Variants in NPAS3 observed in about 807,000 individuals in gnomAD.
NPAS3 encodes the protein neuronal PAS domain protein 3.
Under a neutral mutation model 73.1 loss-of-function variants are expected in NPAS3, and 14 were observed. That is an observed-to-expected ratio of 0.19 (90% confidence interval 0.13 to 0.30). The LOEUF (loss-of-function observed/expected upper bound fraction) is 0.30, where lower values mean the gene tolerates loss of function less well. Among genes scored for constraint, NPAS3 ranks in the 10% least tolerant of loss-of-function variants. The pLI is 1.00. For synonymous variants in NPAS3, 620 were observed against 541.5 expected (o/e 1.14, Z -2.01); for missense variants, 1,096 against 1,250.0 (o/e 0.88, Z 1.86).
At chr14:33,020,669 G>A (rs578254995) in intron 1 of NPAS3, among the ~76,000 whole-genome samples, 76 of 152,002 alleles carry the variant, frequency 5.0e-4, no homozygotes, top group African/African-American at 1.3e-3. Context: ...TTCCCAGCTC[G>A]CCTGCTTCTG....
intron 5 of NPAS3, among the ~76,000 whole-genome samples, chr14:33,641,689 A>G (rs1460173436): frequency 6.6e-6 from 1 of 151,814 alleles, no homozygotes; most frequent in Admixed American, 6.6e-5. Context: ...AACCCAGCAT[A>G]GTGATGCTCC....
At chr14:33,196,005 C>G (rs2046337933) in intron 2 of NPAS3, among the ~76,000 whole-genome samples, 1 of 152,154 alleles carries the variant, frequency 6.6e-6, no homozygotes, top group South Asian at 2.1e-4. Context: ...GGAAAGATGT[C>G]CTAGAGAAAA....
intron 6 of NPAS3, chr14:33,680,554 T>G (rs1322504047): frequency 2.9e-6 from 2 of 701,180 alleles, no homozygotes; most frequent in African/African-American, 3.5e-5. Context: ...GGTAACTAGC[T>G]TTTTCATTTT....
intron 6 of NPAS3, among the ~76,000 whole-genome samples, chr14:33,734,704 G>T (rs1469396374): frequency 1.3e-5 from 2 of 152,160 alleles, no homozygotes; most frequent in Admixed American, 1.3e-4. Context: ...CAGCTCCGAG[G>T]GGTGAGGACA....
chr14:33,602,334 T>C (rs529815215), intron 5 of NPAS3, among the ~76,000 whole-genome samples: 73 of 152,294 alleles, frequency 4.8e-4, no homozygotes, highest in African/African-American at 1.7e-3. Context: ...CCATTAAGAC[T>C]CGCAGGGCAT....
rs567511235 is a variant in NPAS3, at chr14:33,136,063, T to C, written c.141-79119T>C. ...GTGCAATAACTACCTTTTTTCTTTTTTTTTTTTTTTTTTTTGAGACAGAGT... is the reference window on the plus strand; with the variant it reads ...GTGCAATAACTACCTTTTTTCTTTTCTTTTTTTTTTTTTTTGAGACAGAGT... On this transcript the variant is annotated intron_variant, in intron 2 of 11. Transcript: ENST00000356141. Among the ~76,000 whole-genome samples the C allele has an allele frequency of 3.4e-3, 474 of 137,758 alleles. 2 individuals carry two copies. Among genetic ancestry groups the C allele is most frequent in the African/African-American group, 0.012 (370 of 31,130 alleles). The allele number at this position is 137,758 out of a possible 152,430, so 90.4% of individuals were successfully genotyped here.
At chr14:33,101,743 GC>G (rs1323269045) in intron 2 of NPAS3, among the ~76,000 whole-genome samples, 3 of 151,976 alleles carry the variant, frequency 2.0e-5, no homozygotes, top group Non-Finnish European at 2.9e-5. Flanking sequence ...TTATGTTAAT[GC>G]CCCCAGATCT....
chr14:33,189,367 A>T (rs939183115), intron 2 of NPAS3, among the ~76,000 whole-genome samples: 6 of 152,216 alleles, frequency 3.9e-5, no homozygotes, highest in African/African-American at 1.4e-4. Flanking sequence ...GAGGTTCACA[A>T]AATCATGCAT....
intron 2 of NPAS3, among the ~76,000 whole-genome samples, chr14:33,202,676 A>C (rs1594382107): frequency 1.3e-5 from 2 of 150,974 alleles, no homozygotes; most frequent in East Asian, 3.9e-4. Context: ...TTTATTTAAA[A>C]TAAAAAACAA....
intron 2 of NPAS3, among the ~76,000 whole-genome samples, chr14:33,125,166 G>A (rs146514535): frequency 2.0e-3 from 305 of 152,136 alleles, no homozygotes; most frequent in African/African-American, 6.8e-3. Context: ...TGTAATGGGT[G>A]CATTACATTA....
intron 1 of NPAS3, among the ~76,000 whole-genome samples, chr14:32,972,087 C>T (rs1375652426): frequency 1.3e-5 from 2 of 151,724 alleles, no homozygotes; most frequent in African/African-American, 4.8e-5. Flanking sequence ...TACAGGCGCT[C>T]GCCACCACGC....
At chr14:33,443,504 A>G (rs935620730) in intron 4 of NPAS3, among the ~76,000 whole-genome samples, 1 of 152,222 alleles carries the variant, frequency 6.6e-6, no homozygotes, top group African/African-American at 2.4e-5. Flanking sequence ...ATCCAGTTGC[A>G]TGGATCTTGT....
intron 1 of NPAS3, among the ~76,000 whole-genome samples, chr14:32,962,703 C>T (rs1400103764): frequency 6.7e-6 from 1 of 149,472 alleles, no homozygotes; most frequent in East Asian, 2.0e-4. Context: ...GCTGGGATTA[C>T]AGGCATGCAC....
chr14:33,036,953 C>T (rs367763940), intron 1 of NPAS3, among the ~76,000 whole-genome samples: 54 of 152,296 alleles, frequency 3.5e-4, no homozygotes, highest in African/African-American at 1.3e-3. Context: ...ATCTTATGAA[C>T]TGTGGATGCA....
At chr14:33,421,637 G>C (rs576053166) in intron 4 of NPAS3, among the ~76,000 whole-genome samples, 1 of 151,700 alleles carries the variant, frequency 6.6e-6, no homozygotes, top group Non-Finnish European at 1.5e-5. Context: ...GAAATTTAAA[G>C]GGTAGTAAAT....
chr14:33,566,274 C>T (rs1434703265), intron 5 of NPAS3, among the ~76,000 whole-genome samples: 1 of 151,896 alleles, frequency 6.6e-6, no homozygotes, highest in Non-Finnish European at 1.5e-5. Context: ...GCATGCTGTC[C>T]GAGTGCTTGA....
intron 2 of NPAS3, among the ~76,000 whole-genome samples, chr14:33,092,918 A>G (rs4470066): frequency 0.44 from 66,473 of 152,056 alleles, 16,125 homozygotes; most frequent in African/African-American, 0.66. Flanking sequence ...CTAGTCATAT[A>G]TGTAAAGCTG....
At chr14:33,778,467 A>G in exon 9 of NPAS3, 2 of 1,596,652 alleles carry the variant, frequency 1.3e-6, no homozygotes, top group Non-Finnish European at 8.6e-7. Context: ...TCTTTGTAGG[A>G]TTAGTGATTA....
chr14:33,084,972 T>C (rs1464795359), intron 2 of NPAS3, among the ~76,000 whole-genome samples: 1 of 152,192 alleles, frequency 6.6e-6, no homozygotes, highest in Non-Finnish European at 1.5e-5. Context: ...CCAGGGTGTT[T>C]CATAGTAGCC....
Sources: allele counts gnomAD v4.1 joint callset (sites outside exome capture counted in the v4.1 genomes callset), GRCh38; gene constraint gnomAD v4.1.1; transcripts MANE v1.5; gene names NCBI Gene and HGNC (gene_info 2026-07-23, HGNC 2026-07-21).